Variants in LRBA observed in about 807,000 individuals in gnomAD.
LRBA encodes the protein lipopolysaccharide-responsive and beige-like anchor protein.
A neutral mutation model predicts 330.0 loss-of-function variants in LRBA; 176 were observed. The observed-to-expected ratio is 0.53, with a 90% CI of 0.47 to 0.60. LRBA has a LOEUF of 0.60. LRBA is among the 20% of genes least tolerant of loss of function. The pLI is 0.00. For missense variants in LRBA, 3,259 were observed against 3,444.8 expected (o/e 0.95, Z 1.35); for synonymous variants, 1,230 against 1,193.0 (o/e 1.03, Z -0.64).
intron 34 of LRBA, among the ~76,000 whole-genome samples, chr4:150,778,849 G>A (rs564406228): frequency 6.6e-6 from 1 of 152,014 alleles, no homozygotes; most frequent in African/African-American, 2.4e-5. Flanking sequence ...AAGTCTTTAG[G>A]GAATCTCAAA....
chr4:150,789,771 AGATT>A (rs1246569491), intron 34 of LRBA, among the ~76,000 whole-genome samples: 2 of 152,338 alleles, frequency 1.3e-5, no homozygotes, highest in Non-Finnish European at 2.9e-5. Context: ...TAACTTCAGT[AGATT>A]GATTAGAATA....
intron 53 of LRBA, among the ~76,000 whole-genome samples, chr4:150,295,983 G>A (rs1479798074): frequency 6.6e-6 from 1 of 152,028 alleles, no homozygotes; most frequent in Non-Finnish European, 1.5e-5. Context: ...ACATAAACAT[G>A]GTAAAATTCT....
At position 150,813,419 on chromosome 4, in the gene LRBA, T is replaced by A. The variant is rs183783403; in HGVS notation, c.5305+3705A>T. Among the ~76,000 whole-genome samples, 369 of 152,166 alleles carry A rather than the reference T, an allele frequency of 2.4e-3. 2 individuals are homozygous for A. Among genetic ancestry groups the A allele is most frequent in the African/African-American group, 8.3e-3 (346 of 41,558 alleles). On this transcript the variant is annotated intron_variant, in intron 31 of 56. Transcript: ENST00000651943. ...TCCTTTTGGTTGATAAAATGCTGCA[T>A]AAGCTAAGGTATACTATTCAAATTA...
chr4:150,870,543 C>A lies in LRBA; in HGVS notation c.2431G>T (p.Val811Leu). Residue 811 changes from valine to leucine, a missense_variant, in exon 20 of 57, where the codon GTG becomes TTG. Coordinates refer to ENST00000651943, the MANE Select transcript of LRBA (RefSeq NM_001364905.1). Reference protein sequence around the residue: ...HKQHPDPDSSVKIQNPQILKV... With the variant: ...HKQHPDPDSSLKIQNPQILKV... Reference sequence around the variant, plus strand: ...TACATACGAGGGTTTTGTATCTTCACTGAAGAATCAGGATCTGGATGCTGT... The same window carrying A: ...TACATACGAGGGTTTTGTATCTTCAATGAAGAATCAGGATCTGGATGCTGT... 1.3e-6 allele frequency: 2 copies of A among 1,587,398 alleles called. No homozygotes were observed. The highest frequency in any genetic ancestry group is 1.7e-6 in the Non-Finnish European group (2 of 1,156,496).
chr4:150,846,852 G>T (rs4696637), intron 26 of LRBA, among the ~76,000 whole-genome samples: 3 of 152,072 alleles, frequency 2.0e-5, no homozygotes, highest in African/African-American at 7.2e-5. Context: ...GTACTGGGGT[G>T]GATTAAATTA....
At chr4:150,765,082 C>T (rs1351657073) in intron 34 of LRBA, among the ~76,000 whole-genome samples, 2 of 141,422 alleles carry the variant, frequency 1.4e-5, no homozygotes, top group African/African-American at 2.7e-5. Context: ...TATTATTCAG[C>T]GCTAAAAAAA....
chr4:150,882,686 A>T (rs1313059870), intron 17 of LRBA, among the ~76,000 whole-genome samples: 2 of 152,236 alleles, frequency 1.3e-5, no homozygotes, highest in Non-Finnish European at 2.9e-5. Context: ...ACGCCCAAAA[A>T]GATAATCTGA....
chr4:150,583,861 C>G lies in LRBA; in HGVS notation c.6330+4187G>C, dbSNP rs999696293. The G allele has an allele frequency of 6.2e-7, 1 of 1,613,960 alleles. No individual in the cohort carries two copies. Among genetic ancestry groups the G allele is most frequent in the Non-Finnish European group, 8.5e-7 (1 of 1,179,992 alleles). On this transcript the variant is annotated intron_variant, in intron 40 of 56. Coordinates refer to ENST00000651943, the MANE Select transcript of LRBA (RefSeq NM_001364905.1). This position sits in a 1 kb window ranked among gnomAD's most constrained non-coding sequence, Gnocchi z 9.8. ...CAACAACTACCACATGAAGACGCTG[C>G]TGCTGTACGAGTGCGAGAAACACCC...
At chr4:150,809,850 A>AATACGATACGATACGATACGATACG (rs70941451) in intron 31 of LRBA, among the ~76,000 whole-genome samples, 6 of 87,818 alleles carry the variant, frequency 6.8e-5, no homozygotes, top group Non-Finnish European at 6.9e-5. Context: ...CCTGTCTTAA[A>AATACGATACGATACGATACGATACG]ATACGATACG....
intron 2 of LRBA, among the ~76,000 whole-genome samples, chr4:150,984,505 G>A (rs958141190): frequency 6.8e-4 from 102 of 150,082 alleles, no homozygotes; most frequent in African/African-American, 2.2e-3. Context: ...GCGAAAGTCC[G>A]TCTCAAAAAA....
intron 37 of LRBA, among the ~76,000 whole-genome samples, chr4:150,638,305 G>A (rs368924968): frequency 2.5e-4 from 38 of 152,264 alleles, no homozygotes; most frequent in Middle Eastern, 3.4e-3. Flanking sequence ...GGGATTACAG[G>A]CGTAAGCCAC....
intron 47 of LRBA, among the ~76,000 whole-genome samples, chr4:150,373,283 A>C (rs940261482): frequency 6.6e-6 from 1 of 151,784 alleles, no homozygotes; most frequent in Non-Finnish European, 1.5e-5. Context: ...AGAAATGTTT[A>C]TTGTTGTTCT....
At chr4:150,411,993 A>C (rs1219943124) in intron 47 of LRBA, among the ~76,000 whole-genome samples, 3 of 152,192 alleles carry the variant, frequency 2.0e-5, no homozygotes, top group African/African-American at 7.2e-5. Context: ...AGAAATTACA[A>C]AATGAATCAA....
intron 51 of LRBA, 85 bp from the exon 52 acceptor site, chr4:150,310,469 C>G: frequency 1.2e-6 from 1 of 824,234 alleles, no homozygotes; most frequent in East Asian, 2.5e-5. Flanking sequence ...GACACATTCC[C>G]AGATAAGAGT....
At chr4:150,697,351 A>C (rs1298710611) in intron 36 of LRBA, among the ~76,000 whole-genome samples, 11 of 148,084 alleles carry the variant, frequency 7.4e-5, no homozygotes, top group South Asian at 2.1e-4. Flanking sequence ...AAAAAAAAAA[A>C]CAGGGAGAGT....
intron 2 of LRBA, among the ~76,000 whole-genome samples, chr4:150,942,322 C>T (rs907153498): frequency 7.2e-5 from 11 of 152,094 alleles, no homozygotes; most frequent in Non-Finnish European, 5.9e-5. Context: ...CATTTAGTCT[C>T]GTATAAGAAA....
At chr4:150,445,377 CTATATATATATATATATA>C (rs10552819) in intron 44 of LRBA, among the ~76,000 whole-genome samples, 1 of 78,606 alleles carries the variant, frequency 1.3e-5, no homozygotes, top group South Asian at 5.4e-4. Context: ...CTCTCTCTCT[CTATATATATATATATATA>C]TATATATATA....
intron 17 of LRBA, among the ~76,000 whole-genome samples, chr4:150,881,810 G>C (rs572979209): frequency 1.8e-4 from 28 of 152,258 alleles, no homozygotes; most frequent in African/African-American, 6.5e-4. Context: ...AATAGGGCTG[G>C]GCGCGGTGGC....
intron 40 of LRBA, among the ~76,000 whole-genome samples, chr4:150,587,389 C>A (rs1256412563): frequency 1.3e-5 from 2 of 152,110 alleles, no homozygotes; most frequent in African/African-American, 4.8e-5. Context: ...CCTCTCAGAG[C>A]AAATTATACC....
Sources: allele counts gnomAD v4.1 joint callset (sites outside exome capture counted in the v4.1 genomes callset), GRCh38; gene constraint gnomAD v4.1.1; non-coding constraint Gnocchi (gnomAD v3.1); transcripts MANE v1.5; gene names NCBI Gene and HGNC (gene_info 2026-07-23, HGNC 2026-07-21).